Variants in ZNF521 observed in about 807,000 individuals in gnomAD.
The protein encoded by ZNF521 is zinc finger protein 521.
In ZNF521, 14 loss-of-function variants were observed where a neutral mutation model predicts 105.5. The observed-to-expected ratio is 0.13, with a 90% CI of 0.09 to 0.21. The LOEUF (loss-of-function observed/expected upper bound fraction) is 0.21. ZNF521 is among the 10% of genes least tolerant of loss of function. ZNF521 has a pLI of 1.00. For synonymous variants in ZNF521, 635 were observed against 606.0 expected, an observed-to-expected ratio of 1.05 and a Z score of -0.70; for missense variants, 1,233 against 1,629.7, an observed-to-expected ratio of 0.76 and a Z score of 4.19.
At chr18:25,256,065 ATAT>A (rs1908480985) in intron 3 of ZNF521, among the ~76,000 whole-genome samples, 1 of 149,202 alleles carries the variant, frequency 6.7e-6, no homozygotes, top group Non-Finnish European at 1.5e-5. Flanking sequence ...GTAAAATGGG[ATAT>A]TATTTATCAT....
intron 7 of ZNF521, among the ~76,000 whole-genome samples, chr18:25,074,051 CACAT>C (rs1187677756): frequency 6.6e-6 from 1 of 151,766 alleles, no homozygotes; most frequent in Non-Finnish European, 1.5e-5. Flanking sequence ...TGTGTCTGTG[CACAT>C]GTGTGCGCAC....
At chr18:25,157,293 G>A (rs1165305321) in intron 5 of ZNF521, among the ~76,000 whole-genome samples, 5 of 152,096 alleles carry the variant, frequency 3.3e-5, no homozygotes, top group Non-Finnish European at 7.4e-5. Flanking sequence ...TCTGATGGAG[G>A]GTTTAAAATG....
chr18:25,225,890 T>G lies in ZNF521; in HGVS notation c.2028A>C (p.Gln676His), dbSNP rs148801410. The stretch of plus-strand genomic sequence containing the variant: ...TGGTAACATGCTTCAGCAAGGATTC[T>G]TGGTTGGGGAATTCCTTGTTGCACT... ...CPQCNKEFPNQESLLKHVTIH... is the reference protein window; with the variant it reads ...CPQCNKEFPNHESLLKHVTIH... The change falls in exon 4 of 8, where the codon CAA (glutamine) becomes CAC (histidine). Residue 676 changes from glutamine to histidine, a missense_variant. Gln to His is a conservative substitution (Grantham distance 24). Coordinates refer to ENST00000361524, the MANE Select transcript of ZNF521 (RefSeq NM_015461.3). The surrounding 1 kb of genome is among the most constrained non-coding windows in gnomAD (Gnocchi z 5.6). 52 of 1,614,054 alleles carry G rather than the reference T, an allele frequency of 3.2e-5. No homozygotes were observed. The highest frequency in any genetic ancestry group is 3.3e-4 in the Middle Eastern group (2 of 6,084).
chr18:25,229,167 T>C (rs1432457735), intron 3 of ZNF521, among the ~76,000 whole-genome samples: 2 of 152,232 alleles, frequency 1.3e-5, no homozygotes, highest in African/African-American at 4.8e-5. Flanking sequence ...ACGAATTCCA[T>C]GTCTGCTTTC....
At chr18:25,328,562 T>G (rs1273417897) in intron 2 of ZNF521, among the ~76,000 whole-genome samples, 2 of 151,366 alleles carry the variant, frequency 1.3e-5, no homozygotes, top group African/African-American at 4.8e-5. Flanking sequence ...TTAATTTTTT[T>G]TTTTTTTTGA....
chr18:25,248,693 T>C (rs1343176225), intron 3 of ZNF521, among the ~76,000 whole-genome samples: 1 of 152,228 alleles, frequency 6.6e-6, no homozygotes, highest in Non-Finnish European at 1.5e-5. Context: ...AGTGTAAATA[T>C]GTAAGACCTT....
intron 5 of ZNF521, among the ~76,000 whole-genome samples, chr18:25,179,332 T>C (rs1395583584): frequency 6.6e-6 from 1 of 151,756 alleles, no homozygotes; most frequent in Non-Finnish European, 1.5e-5. Flanking sequence ...GTATTTTTAG[T>C]AGAGATGGGG....
intron 5 of ZNF521, among the ~76,000 whole-genome samples, chr18:25,160,818 T>C (rs981566237): frequency 2.6e-5 from 4 of 152,082 alleles, no homozygotes; most frequent in Non-Finnish European, 2.9e-5. Context: ...GGGGGATGTG[T>C]GTGTGTATAT....
At chr18:25,341,128 T>A (rs1300669896) in intron 2 of ZNF521, among the ~76,000 whole-genome samples, 1 of 152,188 alleles carries the variant, frequency 6.6e-6, no homozygotes, top group African/African-American at 2.4e-5. Context: ...TCATTATCCT[T>A]AAATTGTCTC....
chr18:25,179,115 C>G (rs1224925215), intron 5 of ZNF521, among the ~76,000 whole-genome samples: 1 of 76,190 alleles, frequency 1.3e-5, no homozygotes, highest in African/African-American at 4.6e-5. Context: ...TTTCTTTATT[C>G]CTTTTTTTTT....
chr18:25,225,625 T>C lies in ZNF521; in HGVS notation c.2293A>G (p.Thr765Ala). 1 of 1,614,130 alleles carries C rather than the reference T, an allele frequency of 6.2e-7. No individual in the cohort carries two copies. Among genetic ancestry groups the C allele is most frequent in the African/African-American group, 1.3e-5 (1 of 75,026 alleles). The stretch of plus-strand genomic sequence containing the variant: ...TGTTTCACATGGAGCTGCAAGTCAG[T>C]TTCGTTGCGGAAGTCCCAGTTGCAA... ...TSCNWDFRNE[T>A]DLQLHVKHNH... Residue 765 changes from threonine (T) to alanine (A), a missense_variant, in exon 4 of 8, where the codon ACT (threonine) becomes GCT (alanine). By Grantham distance (58) the Thr-to-Ala change is moderately conservative. Transcript: ENST00000361524. This position sits in a 1 kb window ranked among gnomAD's most constrained non-coding sequence, Gnocchi z 5.6.
intron 7 of ZNF521, among the ~76,000 whole-genome samples, chr18:25,077,930 CAAAG>C (rs751912718): frequency 4.0e-5 from 6 of 151,444 alleles, no homozygotes; most frequent in Non-Finnish European, 7.4e-5. Context: ...GTGTGTGACT[CAAAG>C]AAGAAGAAAA....
chr18:25,337,488 A>G (rs2145195768), intron 2 of ZNF521, among the ~76,000 whole-genome samples: 1 of 152,374 alleles, frequency 6.6e-6, no homozygotes, highest in South Asian at 2.1e-4. Flanking sequence ...AAGGCAATTC[A>G]CAGAAAAATA....
intron 3 of ZNF521, among the ~76,000 whole-genome samples, chr18:25,313,703 C>T (rs1369805081): frequency 1.3e-5 from 2 of 152,028 alleles, no homozygotes; most frequent in Non-Finnish European, 2.9e-5. Flanking sequence ...TTCATCTTTA[C>T]CTAATTTTTT....
Position 25,226,030 on chromosome 18 carries a change from G to T in ZNF521, c.1888C>A (p.Pro630Thr), listed in dbSNP as rs1296123162. Residue 630 changes from proline (P) to threonine (T), a missense_variant, in exon 4 of 8, where the codon CCC (proline) becomes ACC (threonine). Pro to Thr is a conservative substitution (Grantham distance 38). Around this residue, in one of 6 missense-constraint regions of ZNF521, gnomAD observed 614 missense variants for 751.5 expected, o/e 0.82. Coordinates refer to ENST00000361524, the MANE Select transcript of ZNF521 (RefSeq NM_015461.3). The surrounding 1 kb of genome is among the most constrained non-coding windows in gnomAD (Gnocchi z 4.1). ...MQAVGGAPAR[P>T]TGEYICNQCG... is the part of the protein sequence containing the mutation. ...TGATTACAGATATATTCTCCAGTGG[G>T]ACGTGCAGGTGCACCTCCTACTGCC... The T allele has an allele frequency of 2.5e-6, 4 of 1,614,188 alleles. No individual in the cohort carries two copies. The highest frequency in any genetic ancestry group is 2.5e-6 in the Non-Finnish European group (3 of 1,180,032).
rs1004622050 is a variant in ZNF521, at chr18:25,306,617, G to A, written c.220+15391C>T. Among the ~76,000 whole-genome samples the A allele has an allele frequency of 4.6e-5, 7 of 152,218 alleles. No homozygotes were observed. The East Asian group carries it at 1.4e-3, about 29-fold the overall frequency. On this transcript the variant is annotated intron_variant, in intron 3 of 7. Coordinates refer to ENST00000361524, the MANE Select transcript of ZNF521 (RefSeq NM_015461.3). Reference sequence around the variant, plus strand: ...GACAAGAACACTAGCCAGCCTTAATGCTTTAAATGTCCTGCCTTTACAGAT... The same window carrying A: ...GACAAGAACACTAGCCAGCCTTAATACTTTAAATGTCCTGCCTTTACAGAT...
chr18:25,094,928 C>A (rs1477629165), intron 5 of ZNF521, among the ~76,000 whole-genome samples: 2 of 152,012 alleles, frequency 1.3e-5, no homozygotes, highest in Non-Finnish European at 2.9e-5. Context: ...GAGGGCAGCA[C>A]AGGTAGTAAA....
At chr18:25,243,680 C>T (rs367703504) in intron 3 of ZNF521, among the ~76,000 whole-genome samples, 12 of 152,144 alleles carry the variant, frequency 7.9e-5, no homozygotes, top group Admixed American at 3.3e-4. Flanking sequence ...TTTACTTCAA[C>T]GCAGGACTGA....
chr18:25,129,719 A>C (rs929892195), intron 5 of ZNF521, among the ~76,000 whole-genome samples: 1 of 152,078 alleles, frequency 6.6e-6, no homozygotes, highest in African/African-American at 2.4e-5. Flanking sequence ...CAGATGGCAA[A>C]TAGGTACATA....
Sources: allele counts gnomAD v4.1 joint callset (sites outside exome capture counted in the v4.1 genomes callset), GRCh38; gene constraint gnomAD v4.1.1; regional missense constraint gnomAD v4.1.1; non-coding constraint Gnocchi (gnomAD v3.1); transcripts MANE v1.5; gene names NCBI Gene and HGNC (gene_info 2026-07-23, HGNC 2026-07-21).